The following F5 variants were observed in gnomAD, a reference collection of about 807,000 sequenced individuals.
F5 encodes activated protein c cofactor.
F5 carries 138 observed loss-of-function variants against 216.4 expected under a neutral mutation model. The observed-to-expected ratio is 0.64, with a 90% CI of 0.56 to 0.73. The LOEUF is 0.73. Among genes scored for constraint, F5 ranks in the 30% least tolerant of loss-of-function variants. The pLI is 0.00. For missense variants in F5, 2,403 were observed against 2,674.0 expected, an observed-to-expected ratio of 0.90 and a Z score of 2.24; for synonymous variants, 916 against 930.7, an observed-to-expected ratio of 0.98 and a Z score of 0.29.
intron 6 of F5, 148 bp downstream of exon 6, chr1:169,556,498 G>A: frequency 3.3e-6 from 2 of 613,784 alleles, no homozygotes; most frequent in Non-Finnish European, 5.9e-6. Context: ...AAATCTAAGA[G>A]CAAAATATCT....
chr1:169,585,460 T>A (rs1406173213), intron 1 of F5, among the ~76,000 whole-genome samples: 2 of 152,228 alleles, frequency 1.3e-5, no homozygotes, highest in African/African-American at 4.8e-5. Context: ...ATAGACTGTA[T>A]GATTTAGTTA....
intron 5 of F5, 32 bp downstream of exon 5, chr1:169,559,121 T>C (rs1327761121): frequency 6.2e-7 from 1 of 1,612,968 alleles, no homozygotes; most frequent in Non-Finnish European, 8.5e-7. Context: ...ATGATTTTAC[T>C]GTTGTTTAAT....
intron 24 of F5, 31 bp from the exon 25 acceptor site, chr1:169,514,490 G>A (rs1461481599): frequency 6.2e-7 from 1 of 1,601,254 alleles, no homozygotes; most frequent in Non-Finnish European, 8.6e-7. Flanking sequence ...AATCTTTAAT[G>A]ACAACATAAA....
intron 18 of F5, among the ~76,000 whole-genome samples, chr1:169,525,406 A>G (rs561217782): frequency 6.6e-6 from 1 of 152,314 alleles, no homozygotes; most frequent in South Asian, 2.1e-4. Context: ...CCTCAAAGTT[A>G]CAAGGTTATT....
chr1:169,576,152 A>G (rs1418020204), intron 2 of F5, among the ~76,000 whole-genome samples: 1 of 152,206 alleles, frequency 6.6e-6, no homozygotes, highest in Admixed American at 6.5e-5. Context: ...TTTTAGCCCA[A>G]TAAAACCCAT....
Position 169,522,050 on chromosome 1 carries a change from A to G in F5, c.6048+1147T>C, listed in dbSNP as rs554891956. 2.6e-5 allele frequency among the ~76,000 whole-genome samples: 4 copies of G among 152,264 alleles called. No individual in the cohort carries two copies. The South Asian group carries it at 8.3e-4, about 32-fold the overall frequency. On this transcript the variant is annotated intron_variant, in intron 21 of 24. Coordinates refer to ENST00000367797, the MANE Select transcript of F5 (RefSeq NM_000130.5). ...ATGAAAAAGGATAAGGGAATATACAAACAACTCTACACATATAAACTTAAC... is the reference window on the plus strand; with the variant it reads ...ATGAAAAAGGATAAGGGAATATACAGACAACTCTACACATATAAACTTAAC...
At chr1:169,583,060 A>T (rs1053651920) in intron 1 of F5, among the ~76,000 whole-genome samples, 5 of 152,232 alleles carry the variant, frequency 3.3e-5, no homozygotes, top group African/African-American at 1.2e-4. Context: ...AAGAGTCAGT[A>T]ACTTGTCCAA....
At position 169,523,349 on chromosome 1, in the gene F5, C is replaced by T. The variant is rs1659355806; in HGVS notation, c.5896G>A (p.Asp1966Asn). The change falls in exon 21 of 25, where the codon GAC (aspartate) becomes AAC (asparagine). Residue 1966 changes from aspartate to asparagine, a missense_variant. This residue lies in a region of F5 where 659 missense variants were observed against 787.9 expected (regional missense o/e 0.84). Coordinates refer to ENST00000367797, the MANE Select transcript of F5 (RefSeq NM_000130.5). Reference protein sequence around the residue: ...EFASKPWIQVDMQKEVIITGI... With the variant: ...EFASKPWIQVNMQKEVIITGI... ...GTGATTATGACTTCCTTTTGCATGTCCACCTGCAATATAGGAAAGCCAGTA... is the reference window on the plus strand; with the variant it reads ...GTGATTATGACTTCCTTTTGCATGTTCACCTGCAATATAGGAAAGCCAGTA... 3 of 1,613,842 alleles carry T rather than the reference C, an allele frequency of 1.9e-6. No homozygotes were observed. Among genetic ancestry groups the T allele is most frequent in the Admixed American group, 3.3e-5 (2 of 59,972 alleles).
In F5 at chr1:169,529,772, T is replaced by TGGCAGATTA; in HGVS notation, c.5246_5254dup (p.Leu1749_Cys1751dup). 6.2e-7 allele frequency: 1 copy of TGGCAGATTA among 1,613,756 alleles called. No individual in the cohort carries two copies. The highest frequency in any genetic ancestry group is 8.5e-7 in the Non-Finnish European group (1 of 1,179,738). The stretch of plus-strand genomic sequence containing the variant: ...GCTGTCCTTATGTAGTATTCCTTTT[T>TGGCAGATTA]GGCAGATTAGGAGGGGACCTATCAA... On this transcript the variant is annotated inframe_insertion, in exon 16 of 25. Coordinates refer to ENST00000367797, the MANE Select transcript of F5 (RefSeq NM_000130.5).
Position 169,529,659 on chromosome 1 carries a change from T to G in F5, c.5368A>C (p.Ser1790Arg). ...KSWYYEKKSR[S>R]SWRLTSSEMK... ...TCTGAGGATGTGAGTCTCCAAGAAC[T>G]TCGGGACTTCTTTTCATAGTACCAG... Residue 1790 changes from serine to arginine, a missense_variant, in exon 16 of 25, where the codon AGT (serine) becomes CGT (arginine). Coordinates refer to ENST00000367797, the MANE Select transcript of F5 (RefSeq NM_000130.5). 6.2e-7 allele frequency: 1 copy of G among 1,613,890 alleles called. No homozygotes were observed. The highest frequency in any genetic ancestry group is 8.5e-7 in the Non-Finnish European group (1 of 1,179,832).
intron 7 of F5, among the ~76,000 whole-genome samples, chr1:169,554,191 A>G (rs1298002211): frequency 6.6e-6 from 1 of 152,222 alleles, no homozygotes; most frequent in Non-Finnish European, 1.5e-5. Flanking sequence ...TTTTCTAGGT[A>G]GCCATATATT....
intron 24 of F5, 97 bp from the exon 25 acceptor site, chr1:169,514,556 A>G (rs1367999272): frequency 9.5e-7 from 1 of 1,052,686 alleles, no homozygotes; most frequent in Non-Finnish European, 1.4e-6. Context: ...TCTGTTGCCC[A>G]GGCTTGAGTC....
At chr1:169,557,012 T>C in intron 5 of F5, 145 bp from the exon 6 acceptor site, 1 of 723,840 alleles carries the variant, frequency 1.4e-6, no homozygotes, top group Non-Finnish European at 2.3e-6. Flanking sequence ...CCAGTTGTAG[T>C]TTGTGCCCTG....
chr1:169,540,536 A>G lies in F5; in HGVS notation c.4554T>C (p.Asp1518=), dbSNP rs142242259. 54 of 1,613,874 alleles carry G rather than the reference A, an allele frequency of 3.3e-5. No homozygotes were observed. Among genetic ancestry groups the G allele is most frequent in the Non-Finnish European group, 4.3e-5 (51 of 1,179,960 alleles). The change falls in exon 13 of 25, where the codon GAT becomes GAC. Residue 1518 remains aspartate (D), a synonymous_variant. Transcript: ENST00000367797. ...NPLVIVGLSK[D]GTDYIEIIPK... The stretch of plus-strand genomic sequence containing the variant: ...GAATGATCTCAATGTAATCTGTACC[A>G]TCTTTACTGAGGCCCACTATAACCA...
At chr1:169,535,076 T>C (rs1315885568) in intron 14 of F5, among the ~76,000 whole-genome samples, 1 of 152,180 alleles carries the variant, frequency 6.6e-6, no homozygotes, top group African/African-American at 2.4e-5. Context: ...TATTGGGTAC[T>C]ATGCACGCTA....
chr1:169,517,600 T>C (rs1346669357), intron 23 of F5, among the ~76,000 whole-genome samples: 1 of 152,122 alleles, frequency 6.6e-6, no homozygotes, highest in Non-Finnish European at 1.5e-5. Context: ...CTCAGGTCAT[T>C]TAAAGAATTA....
chr1:169,524,763 A>G (rs186224062), intron 19 of F5, 74 bp downstream of exon 19: 1 of 1,207,800 alleles, frequency 8.3e-7, no homozygotes, highest in Non-Finnish European at 1.2e-6. Flanking sequence ...TAGGATTGTC[A>G]TGTATGGTTT....
chr1:169,534,471 C>T (rs1222248946), intron 14 of F5, among the ~76,000 whole-genome samples: 1 of 152,096 alleles, frequency 6.6e-6, no homozygotes, highest in East Asian at 1.9e-4. Flanking sequence ...AGTTTGAGAC[C>T]AGCCTGGCCA....
Position 169,529,588 on chromosome 1 carries a change from T to A in F5, c.5419+20A>T. 6.2e-7 allele frequency: 1 copy of A among 1,605,964 alleles called. No individual in the cohort carries two copies. Among genetic ancestry groups the A allele is most frequent in the Non-Finnish European group, 8.5e-7 (1 of 1,172,972 alleles). ...AGTGTGATTTAATTAGGAGATTAGA[T>A]CAAAGTCTGAGGAAAATACCGTGAA... On this transcript the variant is annotated intron_variant, in intron 16 of 24. Coordinates refer to ENST00000367797, the MANE Select transcript of F5 (RefSeq NM_000130.5).
Sources: gnomAD v4.1 joint callset for allele counts (sites outside exome capture counted in the v4.1 genomes callset) on GRCh38, gnomAD v4.1.1 for gene constraint, gnomAD v4.1.1 regional missense constraint, MANE v1.5 for transcripts, NCBI Gene and HGNC (gene_info 2026-07-23, HGNC 2026-07-21) for gene names.